Variants in TMEM38B observed in about 807,000 individuals in gnomAD.
TMEM38B encodes transmembrane protein 38B, also known as trimeric intracellular cation channel type B.
A neutral mutation model predicts 28.7 loss-of-function variants in TMEM38B; 24 were observed. That is an observed-to-expected ratio of 0.84 (90% CI 0.61 to 1.18). The LOEUF (loss-of-function observed/expected upper bound fraction) is 1.18. Among genes scored for constraint, TMEM38B ranks in the 50% most tolerant of loss-of-function variants. The pLI is 0.00. For missense variants in TMEM38B, 380 were observed against 350.9 expected (o/e 1.08, Z -0.66); for synonymous variants, 131 against 127.7 (o/e 1.03, Z -0.17).
intron 5 of TMEM38B, among the ~76,000 whole-genome samples, chr9:105,754,512 C>G (rs553647690): frequency 2.0e-5 from 3 of 152,144 alleles, no homozygotes; most frequent in Non-Finnish European, 4.4e-5. Flanking sequence ...ATTGAACAAC[C>G]TGCTCCTGAA....
chr9:105,758,951 A>T (rs1387002242), intron 5 of TMEM38B: 8 of 1,352,510 alleles, frequency 5.9e-6, no homozygotes, highest in Non-Finnish European at 8.5e-6. Flanking sequence ...CCCTAGAAGA[A>T]GTCATAAATC....
intron 2 of TMEM38B, among the ~76,000 whole-genome samples, chr9:105,714,818 T>G (rs1449804821): frequency 6.6e-6 from 1 of 152,196 alleles, no homozygotes; most frequent in African/African-American, 2.4e-5. Context: ...CTGGTTTCTT[T>G]TGGTGAGCAA....
Position 105,694,755 on chromosome 9 carries a change from C to A in TMEM38B, c.95C>A (p.Ala32Glu), listed in dbSNP as rs1472870811. The part of the protein sequence containing the change: ...DIAHYLVSVM[A>E]VKRQPGAAAL... ...GCGCACTATCTAGTGTCAGTGATGG[C>A]GGTGAAACGTCAGCCGGGTGAGTGC... is the stretch of plus-strand genomic sequence containing the variant. Residue 32 changes from alanine (A) to glutamate (E), a missense_variant, in exon 1 of 6, where the codon GCG becomes GAG. By Grantham distance (107) the Ala-to-Glu change is moderately radical (BLOSUM62 -1). Coordinates refer to ENST00000374692, the MANE Select transcript of TMEM38B (RefSeq NM_018112.3). The A allele has an allele frequency of 1.3e-6, 2 of 1,588,322 alleles. No individual in the cohort carries two copies. The highest frequency in any genetic ancestry group is 3.5e-5 in the Admixed American group (2 of 57,100).
intron 1 of TMEM38B, among the ~76,000 whole-genome samples, chr9:105,696,126 GCTAC>G (rs1324945922): frequency 2.0e-5 from 3 of 152,072 alleles, no homozygotes; most frequent in South Asian, 2.1e-4. Flanking sequence ...TTTTCCAGAG[GCTAC>G]CTGAGTTGTG....
intron 1 of TMEM38B, 123 bp from the exon 2 acceptor site, chr9:105,705,474 A>G: frequency 1.0e-6 from 1 of 954,898 alleles, no homozygotes; most frequent in Non-Finnish European, 1.5e-6. Flanking sequence ...TGGCACACCT[A>G]TGAATAATAG....
At chr9:105,703,239 C>T (rs1835518426) in intron 1 of TMEM38B, among the ~76,000 whole-genome samples, 1 of 152,162 alleles carries the variant, frequency 6.6e-6, no homozygotes, top group African/African-American at 2.4e-5. Flanking sequence ...AATCCCAGCA[C>T]TTTGGGAGGC....
At chr9:105,749,625 A>AT (rs35834576) in intron 5 of TMEM38B, among the ~76,000 whole-genome samples, 15,914 of 152,248 alleles carry the variant, frequency 0.1, 1,293 homozygotes, top group East Asian at 0.46. Context: ...TTTTTAGTAT[A>AT]TTCATGGATT....
intron 4 of TMEM38B, among the ~76,000 whole-genome samples, chr9:105,730,400 T>G (rs1836693461): frequency 6.6e-6 from 1 of 152,196 alleles, no homozygotes; most frequent in Non-Finnish European, 1.5e-5. Flanking sequence ...TGAACCAGCC[T>G]TGCATCCCAA....
chr9:105,751,413 A>G (rs1837645511), intron 5 of TMEM38B, among the ~76,000 whole-genome samples: 3 of 152,204 alleles, frequency 2.0e-5, no homozygotes, highest in Admixed American at 6.5e-5. Flanking sequence ...CCATGCCACC[A>G]GGGTCTTGGG....
chr9:105,752,886 A>G lies in TMEM38B; in HGVS notation c.660+4696A>G, dbSNP rs572799011. Reference sequence around the variant, plus strand: ...ATGAGCTTCACTGAGCTAAAGGGGCATGTTCTAACCCAATGGAAAGAAGCT... The same window carrying G: ...ATGAGCTTCACTGAGCTAAAGGGGCGTGTTCTAACCCAATGGAAAGAAGCT... On this transcript the variant is annotated intron_variant, in intron 5 of 5. Coordinates refer to ENST00000374692, the MANE Select transcript of TMEM38B (RefSeq NM_018112.3). 7.2e-5 allele frequency among the ~76,000 whole-genome samples: 11 copies of G among 152,248 alleles called. No homozygotes were observed. In the South Asian group the frequency reaches 1.4e-3, roughly 20 times the overall value.
intron 5 of TMEM38B, among the ~76,000 whole-genome samples, chr9:105,750,256 A>T (rs1442611081): frequency 6.6e-6 from 1 of 151,918 alleles, no homozygotes; most frequent in East Asian, 1.9e-4. Flanking sequence ...AGACTTAATG[A>T]TTTGCAGATA....
Position 105,774,389 on chromosome 9 carries a change from A to G in TMEM38B, c.*309A>G, listed in dbSNP as rs1237233092. The stretch of plus-strand genomic sequence containing the variant: ...TTAGAAAAAGCAGATCTGTCATTGC[A>G]AAGTAACAAAAATTTTAAGCTTTTA... On this transcript the variant is annotated 3_prime_UTR_variant, in exon 6 of 6. Transcript: ENST00000374692. 5.5e-6 allele frequency: 1 copy of G among 180,274 alleles called. No individual in the cohort carries two copies. The highest frequency in any genetic ancestry group is 1.2e-5 in the Non-Finnish European group (1 of 86,738). The allele number at this position is 180,274 out of a possible 1,614,324, so 11.2% of individuals were successfully genotyped here.
intron 5 of TMEM38B, chr9:105,749,002 A>G: frequency 8.4e-7 from 1 of 1,188,658 alleles, no homozygotes; most frequent in Middle Eastern, 2.7e-4. Flanking sequence ...TTTAAAAGGA[A>G]AACAGGATAG....
chr9:105,710,487 C>T (rs1296100446), intron 2 of TMEM38B: 7 of 1,420,472 alleles, frequency 4.9e-6, no homozygotes, highest in Non-Finnish European at 6.9e-6. Flanking sequence ...CCTTCCTTGG[C>T]TTTCATCTGA....
At chr9:105,736,001 C>T (rs1042242246) in intron 4 of TMEM38B, among the ~76,000 whole-genome samples, 9 of 151,932 alleles carry the variant, frequency 5.9e-5, no homozygotes, top group East Asian at 3.9e-4. Flanking sequence ...TCAAAAATAG[C>T]TGGTATTTAG....
At chr9:105,723,679 G>T (rs1836408063) in intron 4 of TMEM38B, among the ~76,000 whole-genome samples, 1 of 152,028 alleles carries the variant, frequency 6.6e-6, no homozygotes, top group East Asian at 1.9e-4. Flanking sequence ...TTACAGATGT[G>T]AAGCACCACA....
intron 4 of TMEM38B, among the ~76,000 whole-genome samples, chr9:105,725,521 A>G (rs1027065538): frequency 6.6e-6 from 1 of 151,984 alleles, no homozygotes; most frequent in African/African-American, 2.4e-5. Context: ...GTGTCATTTC[A>G]TCATTATGTG....
chr9:105,744,822 T>TGAGA (rs1425714849), intron 4 of TMEM38B, among the ~76,000 whole-genome samples: 1 of 152,048 alleles, frequency 6.6e-6, no homozygotes, highest in Non-Finnish European at 1.5e-5. Flanking sequence ...CACCTATGAG[T>TGAGA]GAGAACATGT....
chr9:105,717,032 T>C (rs752813594), intron 2 of TMEM38B, among the ~76,000 whole-genome samples: 5 of 152,206 alleles, frequency 3.3e-5, no homozygotes, highest in Non-Finnish European at 7.3e-5. Context: ...AACCCCCATG[T>C]TGTTGAAGAG....
Sources: allele counts gnomAD v4.1 joint callset (sites outside exome capture counted in the v4.1 genomes callset), GRCh38; gene constraint gnomAD v4.1.1; transcripts MANE v1.5; gene names NCBI Gene and HGNC (gene_info 2026-07-23, HGNC 2026-07-21).